The following TMEM134 variants were observed in gnomAD, a reference collection of about 807,000 sequenced individuals.
TMEM134 encodes the protein transmembrane protein 134.
TMEM134 carries 36 observed loss-of-function variants against 26.2 expected under a neutral mutation model. The ratio of observed to expected loss-of-function variants is 1.37; its 90% CI spans 1.05 to 1.81. TMEM134 has a LOEUF of 1.81. TMEM134 is among the 40% of genes most tolerant of loss of function. The pLI, the probability that TMEM134 is intolerant of heterozygous loss-of-function variation, is 0.00. For synonymous variants in TMEM134, 133 were observed against 113.6 expected, an observed-to-expected ratio of 1.17 and a Z score of -1.08; for missense variants, 339 against 263.5, an observed-to-expected ratio of 1.29 and a Z score of -1.98.
chr11:67,469,170 A>C lies in TMEM134; in HGVS notation c.23T>G (p.Phe8Cys). The change falls in exon 1 of 7, where the codon TTC (phenylalanine) becomes TGC (cysteine). Residue 8 changes from phenylalanine (F) to cysteine (C), a missense_variant. By Grantham distance (205) the Phe-to-Cys change is radical (BLOSUM62 -2). Coordinates refer to ENST00000308022, the MANE Select transcript of TMEM134 (RefSeq NM_025124.4). MSAARPQ[F>C]SIDDAFELSL... ...CAGCTCGAAGGCATCATCAATGCTG[A>C]ACTGGGGCCGGGCGGCGCTCATGGC... 7.3e-7 allele frequency: 1 copy of C among 1,376,664 alleles called. No individual in the cohort carries two copies. Among genetic ancestry groups the C allele is most frequent in the East Asian group, 3.1e-5 (1 of 32,132 alleles). 85.3% of individuals were successfully genotyped at this position (1,376,664 alleles called of 1,614,324 possible).
intron 2 of TMEM134, 24 bp downstream of exon 2, chr11:67,468,004 G>A (rs1202139149): frequency 1.3e-6 from 2 of 1,551,328 alleles, no homozygotes; most frequent in Admixed American, 2.0e-5. Flanking sequence ...GGGGTACAGG[G>A]TTGGGTCCCC....
Position 67,464,414 on chromosome 11 carries a change from C to T in TMEM134, c.*200G>A. 1 of 617,320 alleles carries T rather than the reference C, an allele frequency of 1.6e-6. No homozygotes were observed. The highest frequency in any genetic ancestry group is 2.9e-6 in the Non-Finnish European group (1 of 344,770). The allele number at this position is 617,320 out of a possible 1,614,324, so 38.2% of individuals were successfully genotyped here. On this transcript the variant is annotated 3_prime_UTR_variant, in exon 7 of 7. Transcript: ENST00000308022. ...TAACAGCAACCTAGCAGCCGCACGG[C>T]CCGAGAATAAGTTAAGGCACAGAGC...
intron 4 of TMEM134, chr11:67,465,422 G>T (rs1591016391): frequency 2.8e-6 from 1 of 363,040 alleles, no homozygotes; most frequent in Non-Finnish European, 4.9e-6. Context: ...CCCGTCCTTA[G>T]TGGAGGAACC....
Position 67,462,180 on chromosome 11 carries a change from A to AC in TMEM134, c.*2433_*2434insG, listed in dbSNP as rs992863512. The AC allele has an allele frequency of 2.4e-4, 36 of 147,090 alleles. No homozygotes were observed. The highest frequency in any genetic ancestry group is 8.2e-4 in the African/African-American group (31 of 37,810). The allele number at this position is 147,090 out of a possible 1,614,324, so 9.1% of individuals were successfully genotyped here. Reference sequence around the variant, plus strand: ...GAGACTCGTCTCAAAAAAAAAACAAAAAAAAAAAAAACAAGGAGTAAAAAG... The same window carrying AC: ...GAGACTCGTCTCAAAAAAAAAACAAACAAAAAAAAAAACAAGGAGTAAAAAG... On this transcript the variant is annotated 3_prime_UTR_variant, in exon 7 of 7. Coordinates refer to ENST00000308022, the MANE Select transcript of TMEM134 (RefSeq NM_025124.4).
At chr11:67,468,284 G>C (rs1865412332) in intron 1 of TMEM134, 192 bp from the exon 2 acceptor site, 2 of 604,970 alleles carry the variant, frequency 3.3e-6, no homozygotes, top group East Asian at 5.6e-5. Context: ...TGGATGCCAG[G>C]GCTTTGGGGA....
intron 4 of TMEM134, chr11:67,467,044 T>C: frequency 1.8e-6 from 1 of 551,858 alleles, no homozygotes; most frequent in Non-Finnish European, 3.2e-6. Context: ...CTCTAATGGA[T>C]TTAAACAGGT....
rs1202139149 is a variant in TMEM134, at chr11:67,468,004, G to T, written c.239+24C>A. 11 of 1,551,210 alleles carry T rather than the reference G, an allele frequency of 7.1e-6. No homozygotes were observed. In the East Asian group the frequency reaches 2.4e-4, roughly 34 times the overall value. ...ATAGGAGCTGGGGCTGGGGTACAGG[G>T]TTGGGTCCCCACCTGGCCCTAACCT... On this transcript the variant is annotated intron_variant, in intron 2 of 6. Transcript: ENST00000308022.
Position 67,469,117 on chromosome 11 carries a change from C to CGGGCCCA in TMEM134, c.69_75dup (p.Glu26TrpfsTer25). 2 of 1,503,934 alleles carry CGGGCCCA rather than the reference C, an allele frequency of 1.3e-6. No homozygotes were observed. The highest frequency in any genetic ancestry group is 1.8e-6 in the Non-Finnish European group (2 of 1,125,888). 93.2% of individuals were successfully genotyped at this position (1,503,934 alleles called of 1,614,324 possible). A position where few individuals can be genotyped will look rare whatever the true frequency, so the allele number is the denominator to read the frequency against. ...CCAAAGCGCGCGACCCCGCTGGACTCGGGCCCAGGGCCCCCGTCCTCCAGG... is the reference window on the plus strand; with the variant it reads ...CCAAAGCGCGCGACCCCGCTGGACTCGGGCCCAGGGCCCAGGGCCCCCGTCCTCCAGG... On this transcript the variant is annotated frameshift_variant, in exon 1 of 7. Transcript: ENST00000308022. LOFTEE classifies it high-confidence loss of function.
In TMEM134 at chr11:67,469,173, T is replaced by C. The variant is rs974076540; in HGVS notation, c.20A>G (p.Gln7Arg). 2 of 1,369,242 alleles carry C rather than the reference T, an allele frequency of 1.5e-6. No individual in the cohort carries two copies. The highest frequency in any genetic ancestry group is 1.5e-5 in the African/African-American group (1 of 66,002). The allele number at this position is 1,369,242 out of a possible 1,614,324, so 84.8% of individuals were successfully genotyped here. ...CTCGAAGGCATCATCAATGCTGAAC[T>C]GGGGCCGGGCGGCGCTCATGGCCCC... MSAARP[Q>R]FSIDDAFELS... The change falls in exon 1 of 7, where the codon CAG becomes CGG. Residue 7 changes from glutamine to arginine, a missense_variant. Physicochemically the swap from Gln to Arg is conservative, Grantham distance 43. Coordinates refer to ENST00000308022, the MANE Select transcript of TMEM134 (RefSeq NM_025124.4).
intron 2 of TMEM134, 55 bp downstream of exon 2, chr11:67,467,973 C>T: frequency 6.6e-7 from 1 of 1,509,426 alleles, no homozygotes; most frequent in Non-Finnish European, 9.0e-7. Flanking sequence ...AGCAGGGTCC[C>T]TGGGGATAGG....
rs964578578 is a variant in TMEM134 at position 67,469,170 on chromosome 11, A to T, written c.23T>A (p.Phe8Tyr). 1.8e-5 allele frequency: 25 copies of T among 1,376,664 alleles called. No individual in the cohort carries two copies. The highest frequency in any genetic ancestry group is 2.2e-5 in the Non-Finnish European group (23 of 1,055,516). The allele number at this position is 1,376,664 out of a possible 1,614,324, so 85.3% of individuals were successfully genotyped here. A position where few individuals can be genotyped will look rare whatever the true frequency, so the allele number is the denominator to read the frequency against. ...CAGCTCGAAGGCATCATCAATGCTG[A>T]ACTGGGGCCGGGCGGCGCTCATGGC... MSAARPQFSIDDAFELSL... is the reference protein window; with the variant it reads MSAARPQYSIDDAFELSL... Residue 8 changes from phenylalanine to tyrosine, a missense_variant, in exon 1 of 7, where the codon TTC (phenylalanine) becomes TAC (tyrosine). Physicochemically the swap from Phe to Tyr is conservative, Grantham distance 22 (BLOSUM62 3). Transcript: ENST00000308022.
chr11:67,463,639 A>C lies in TMEM134; in HGVS notation c.*975T>G, dbSNP rs2135203088. On this transcript the variant is annotated 3_prime_UTR_variant, in exon 7 of 7. Coordinates refer to ENST00000308022, the MANE Select transcript of TMEM134 (RefSeq NM_025124.4). ...ACTCCTGGGCTCAAGCGATCCTCCC[A>C]CCTTGGCCTCTCAAAGTGCTAGGAT... is the stretch of plus-strand genomic sequence containing the variant. 1 of 151,244 alleles carries C rather than the reference A, an allele frequency of 6.6e-6. No individual in the cohort carries two copies. Among genetic ancestry groups the C allele is most frequent in the Middle Eastern group, 3.4e-3 (1 of 290 alleles). 9.4% of individuals were successfully genotyped at this position (151,244 alleles called of 1,614,324 possible).
At chr11:67,466,598 G>GC (rs1452323337) in intron 4 of TMEM134, 1 of 154,042 alleles carries the variant, frequency 6.5e-6, no homozygotes, top group Non-Finnish European at 1.4e-5. Flanking sequence ...GGCCTGGCTG[G>GC]CTGGGGAGCC....
rs868689482 is a variant in TMEM134 at position 67,462,173 on chromosome 11, A to C, written c.*2441T>G. ...AGACAGTGAGACTCGTCTCAAAAAA[A>C]AAACAAAAAAAAAAAAAACAAGGAG... On this transcript the variant is annotated 3_prime_UTR_variant, in exon 7 of 7. Coordinates refer to ENST00000308022, the MANE Select transcript of TMEM134 (RefSeq NM_025124.4). The C allele has an allele frequency of 1.1e-4, 12 of 108,436 alleles. No individual in the cohort carries two copies. Among genetic ancestry groups the C allele is most frequent in the African/African-American group, 5.1e-4 (9 of 17,596 alleles). 6.7% of individuals were successfully genotyped at this position (108,436 alleles called of 1,614,324 possible).
Position 67,469,184 on chromosome 11 carries a change from G to A in TMEM134, c.9C>T (p.Ala3=). 7.4e-7 allele frequency: 1 copy of A among 1,342,714 alleles called. No homozygotes were observed. Among genetic ancestry groups the A allele is most frequent in the African/African-American group, 1.5e-5 (1 of 65,562 alleles). The allele number at this position is 1,342,714 out of a possible 1,614,324, so 83.2% of individuals were successfully genotyped here. The stretch of plus-strand genomic sequence containing the variant: ...CATCAATGCTGAACTGGGGCCGGGC[G>A]GCGCTCATGGCCCCGGCCCGCTCAG... The part of the protein sequence containing the change: MS[A]ARPQFSIDDA... Residue 3 remains alanine (A), a synonymous_variant, in exon 1 of 7, where the codon GCC becomes GCT. Transcript: ENST00000308022.
chr11:67,467,297 C>T lies in TMEM134; in HGVS notation c.406+15G>A, dbSNP rs1389630548. On this transcript the variant is annotated intron_variant, in intron 4 of 6. Coordinates refer to ENST00000308022, the MANE Select transcript of TMEM134 (RefSeq NM_025124.4). ...CACGGGGCCCCTCTTGACCCCAACC[C>T]TCAGGGCCACTCACCCAGCCCCAGC... 4 of 1,613,188 alleles carry T rather than the reference C, an allele frequency of 2.5e-6. No individual in the cohort carries two copies. The highest frequency in any genetic ancestry group is 3.3e-5 in the Admixed American group (2 of 59,992).
rs1379353427 is a variant in TMEM134 at position 67,466,935 on chromosome 11, C to T, written c.406+377G>A. On this transcript the variant is annotated intron_variant, in intron 4 of 6. Coordinates refer to ENST00000308022, the MANE Select transcript of TMEM134 (RefSeq NM_025124.4). ...GCCCCTACACGTGGCTTCTGGGCAC[C>T]ACCTCACTTGTAGGACTTCTGTAAG... The T allele has an allele frequency of 3.8e-5, 10 of 266,326 alleles. No individual in the cohort carries two copies. In the East Asian group the frequency reaches 9.7e-4, roughly 26 times the overall value. 16.5% of individuals were successfully genotyped at this position (266,326 alleles called of 1,614,324 possible). A position where few individuals can be genotyped will look rare whatever the true frequency, so the allele number is the denominator to read the frequency against.
intron 5 of TMEM134, 45 bp downstream of exon 5, chr11:67,465,011 A>C: frequency 6.7e-7 from 1 of 1,500,986 alleles, no homozygotes; most frequent in Non-Finnish European, 9.1e-7. Flanking sequence ...CCGTGGACAC[A>C]AGACAGGGGT....
chr11:67,468,101 G>T lies in TMEM134; in HGVS notation c.175-9C>A. 6.4e-7 allele frequency: 1 copy of T among 1,559,654 alleles called. No homozygotes were observed. Among genetic ancestry groups the T allele is most frequent in the Non-Finnish European group, 8.7e-7 (1 of 1,151,348 alleles). ...TCATCGTTCTCCAGGTTCTGTTGCA[G>T]AACACAGGTCTCAGGGGGGTTGCTG... is the stretch of plus-strand genomic sequence containing the variant. On this transcript the variant is annotated splice_polypyrimidine_tract_variant and intron_variant, in intron 1 of 6. Transcript: ENST00000308022.
Sources: gnomAD v4.1 joint callset for allele counts on GRCh38, gnomAD v4.1.1 for gene constraint, MANE v1.5 for transcripts, NCBI Gene and HGNC (gene_info 2026-07-23, HGNC 2026-07-21) for gene names.